The following LYAR variants were observed in gnomAD, a reference collection of about 807,000 sequenced individuals.
The protein encoded by LYAR is cell growth-regulating nucleolar protein.
Under a neutral mutation model 45.2 loss-of-function variants are expected in LYAR, and 37 were observed. That is an observed-to-expected ratio of 0.82 (90% CI 0.63 to 1.08). The LOEUF is 1.08. Ranked by LOEUF, LYAR falls within the 50% of genes least tolerant of loss-of-function variation. LYAR has a pLI of 0.00. For missense variants in LYAR, 493 were observed against 451.0 expected (o/e 1.09, Z -0.84); for synonymous variants, 176 against 155.1 (o/e 1.14, Z -1.00).
intron 8 of LYAR, 55 bp downstream of exon 8, chr4:4,273,528 A>C (rs1719026824): frequency 7.6e-7 from 1 of 1,321,594 alleles, no homozygotes; most frequent in Non-Finnish European, 1.1e-6. Flanking sequence ...AGCTGGGACT[A>C]TCAGCGAGAG....
At chr4:4,281,714 G>T in intron 4 of LYAR, 69 bp downstream of exon 4, 1 of 1,130,666 alleles carries the variant, frequency 8.8e-7, no homozygotes, top group Non-Finnish European at 1.3e-6. Context: ...TTTACTCTTA[G>T]TCTCTTGGGC....
chr4:4,286,630 A>G (rs1302431362), intron 1 of LYAR, 58 bp from the exon 2 acceptor site: 3 of 146,964 alleles, frequency 2.0e-5, no homozygotes, highest in Non-Finnish European at 4.4e-5. Flanking sequence ...ATAAGCATGA[A>G]GGAAATTTAA....
chr4:4,273,686 ATT>A lies in LYAR; in HGVS notation c.833-19_833-18del. The A allele has an allele frequency of 6.5e-7, 1 of 1,537,716 alleles. No homozygotes were observed. Among genetic ancestry groups the A allele is most frequent in the Non-Finnish European group, 9.0e-7 (1 of 1,116,350 alleles). On this transcript the variant is annotated intron_variant, in intron 7 of 9. Coordinates refer to ENST00000343470, the MANE Select transcript of LYAR (RefSeq NM_017816.3). ...CTGTTTCAACTAAGTATTTGGAAAGATTTTTTTTAAAGAAGATTTTGCATTTA... is the reference window on the plus strand; with the variant it reads ...CTGTTTCAACTAAGTATTTGGAAAGATTTTTTAAAGAAGATTTTGCATTTA...
At chr4:4,283,163 C>G (rs141225841) in intron 3 of LYAR, among the ~76,000 whole-genome samples, 77 of 152,276 alleles carry the variant, frequency 5.1e-4, no homozygotes, top group South Asian at 6.2e-4. Flanking sequence ...ATTTCTCCCC[C>G]CCAAGAAGGG....
intron 3 of LYAR, among the ~76,000 whole-genome samples, chr4:4,282,871 C>T (rs187349179): frequency 1.3e-3 from 197 of 152,326 alleles, no homozygotes; most frequent in Non-Finnish European, 2.0e-3. Context: ...ATAGTTTCCT[C>T]TGCTACCAGT....
Position 4,277,218 on chromosome 4 carries a change from T to G in LYAR, c.429+2229A>C, listed in dbSNP as rs143778408. Among the ~76,000 whole-genome samples, 780 of 152,240 alleles carry G rather than the reference T, an allele frequency of 5.1e-3. 6 individuals carry two copies. Among genetic ancestry groups the G allele is most frequent in the African/African-American group, 0.018 (747 of 41,538 alleles). Reference sequence around the variant, plus strand: ...CCTGCCACCACACCCAGCTAATTTTTGTATTTTTAGTAAAGACAGGGTTTC... The same window carrying G: ...CCTGCCACCACACCCAGCTAATTTTGGTATTTTTAGTAAAGACAGGGTTTC... On this transcript the variant is annotated intron_variant, in intron 6 of 9. Transcript: ENST00000343470.
intron 2 of LYAR, among the ~76,000 whole-genome samples, chr4:4,285,702 C>A (rs375271415): frequency 3.3e-5 from 5 of 152,218 alleles, no homozygotes; most frequent in African/African-American, 1.2e-4. Context: ...AACTTAGATA[C>A]GGCTTAGAGC....
Position 4,268,622 on chromosome 4 carries a change from T to C in LYAR, c.920-7A>G. Reference sequence around the variant, plus strand: ...CCCTTCCAGTTGAATTTACCTACAATATAAATAATAATATTTAAGACATTT... The same window carrying C: ...CCCTTCCAGTTGAATTTACCTACAACATAAATAATAATATTTAAGACATTT... On this transcript the variant is annotated splice_polypyrimidine_tract_variant and splice_region_variant and intron_variant, in intron 8 of 9. Transcript: ENST00000343470. The C allele has an allele frequency of 2.6e-6, 4 of 1,528,898 alleles. No individual in the cohort carries two copies. Among genetic ancestry groups the C allele is most frequent in the Non-Finnish European group, 3.6e-6 (4 of 1,107,698 alleles). The allele number at this position is 1,528,898 out of a possible 1,614,324, so 94.7% of individuals were successfully genotyped here.
chr4:4,273,077 G>C (rs1041953417), intron 8 of LYAR, among the ~76,000 whole-genome samples: 3 of 152,218 alleles, frequency 2.0e-5, no homozygotes, highest in African/African-American at 7.2e-5. Flanking sequence ...GCACAGTTCA[G>C]GGGACTTCTA....
chr4:4,273,621 T>G lies in LYAR; in HGVS notation c.881A>C (p.Glu294Ala). Residue 294 changes from glutamate (E) to alanine (A), a missense_variant, in exon 8 of 10, where the codon GAG (glutamate) becomes GCG (alanine). Physicochemically the swap from Glu to Ala is moderately radical, Grantham distance 107. Transcript: ENST00000343470. ...KKKMKLPEHP[E>A]GGEPEDDEAP... is the part of the protein sequence containing the mutation. ...CTCATCGTCTTCTGGTTCTCCGCCCTCAGGATGCTCTGGGAGCTTCATCTT... is the reference window on the plus strand; with the variant it reads ...CTCATCGTCTTCTGGTTCTCCGCCCGCAGGATGCTCTGGGAGCTTCATCTT... The G allele has an allele frequency of 6.2e-7, 1 of 1,613,666 alleles. No homozygotes were observed. Among genetic ancestry groups the G allele is most frequent in the Non-Finnish European group, 8.5e-7 (1 of 1,179,646 alleles).
At chr4:4,281,061 A>C (rs1371412533) in intron 4 of LYAR, among the ~76,000 whole-genome samples, 2 of 152,220 alleles carry the variant, frequency 1.3e-5, no homozygotes, top group Non-Finnish European at 2.9e-5. Flanking sequence ...TTAGTTAAGT[A>C]GAAAATTCTC....
intron 9 of LYAR, 90 bp from the exon 10 acceptor site, chr4:4,268,113 A>T: frequency 2.4e-6 from 3 of 1,248,784 alleles, no homozygotes; most frequent in Non-Finnish European, 3.2e-6. Flanking sequence ...GAACAACAGG[A>T]AAAAATAAAA....
intron 2 of LYAR, among the ~76,000 whole-genome samples, chr4:4,285,565 T>C (rs1719578457): frequency 6.6e-6 from 1 of 152,202 alleles, no homozygotes; most frequent in Non-Finnish European, 1.5e-5. Context: ...GAATAACTTA[T>C]TAGTCACCAA....
Position 4,277,610 on chromosome 4 carries a change from G to T in LYAR, c.429+1837C>A, listed in dbSNP as rs111688975. On this transcript the variant is annotated intron_variant, in intron 6 of 9. Coordinates refer to ENST00000343470, the MANE Select transcript of LYAR (RefSeq NM_017816.3). ...GATGCCCTGACTCTTTCCTAATCGA[G>T]CACCTCCTTCAGTCCTGGCCTCCCA... 8.1e-3 allele frequency among the ~76,000 whole-genome samples: 1,235 copies of T among 152,242 alleles called. 12 individuals are homozygous for T. Among genetic ancestry groups the T allele is most frequent in the African/African-American group, 0.028 (1,156 of 41,530 alleles).
rs551503351 is a variant in LYAR, at chr4:4,267,758, A to AT, written c.*130dup. On this transcript the variant is annotated 3_prime_UTR_variant, in exon 10 of 10. Transcript: ENST00000343470. ...TTCTCATAAAAGTTATACCAAAAAT[A>AT]TATTTTCTTAACTTAAAAATACAGC... 1.1e-3 allele frequency: 653 copies of AT among 596,426 alleles called. 7 individuals carry two copies. The African/African-American group carries it at 0.013, about 12-fold the overall frequency. The allele number at this position is 596,426 out of a possible 1,614,324, so 36.9% of individuals were successfully genotyped here. A position where few individuals can be genotyped will look rare whatever the true frequency, so the allele number is the denominator to read the frequency against.
intron 3 of LYAR, among the ~76,000 whole-genome samples, chr4:4,283,127 A>G (rs1719468948): frequency 6.6e-6 from 1 of 152,128 alleles, no homozygotes; most frequent in African/African-American, 2.4e-5. Flanking sequence ...ACATATCCTC[A>G]AAAAGCAAAT....
intron 2 of LYAR, among the ~76,000 whole-genome samples, chr4:4,284,991 T>C (rs3775340): frequency 6.6e-6 from 1 of 152,072 alleles, no homozygotes; most frequent in East Asian, 1.9e-4. Flanking sequence ...TCACTGCCAG[T>C]GAGGCCACAC....
chr4:4,270,268 T>TAA (rs11377872), intron 8 of LYAR, among the ~76,000 whole-genome samples: 62,583 of 121,738 alleles, frequency 0.51, 17,457 homozygotes, highest in East Asian at 0.69. Flanking sequence ...TGTTGATTTG[T>TAA]AAAAAAAAAA....
rs530839178 is a variant in LYAR at position 4,279,695 on chromosome 4, A to C, written c.292T>G (p.Leu98Val). 2 of 1,614,088 alleles carry C rather than the reference A, an allele frequency of 1.2e-6. No homozygotes were observed. The highest frequency in any genetic ancestry group is 3.3e-5 in the Admixed American group (2 of 59,988). Residue 98 changes from leucine (L) to valine (V), a missense_variant, in exon 5 of 10, where the codon TTA (leucine) becomes GTA (valine). By Grantham distance (32) the Leu-to-Val change is conservative. Transcript: ENST00000343470. ...PNVSPKVREL[L>V]EQISAFDNVP... Reference sequence around the variant, plus strand: ...TTGTCAAAAGCACTAATTTGCTCTAAAAGTTCTCTCACTTTGGGGCTGACA... The same window carrying C: ...TTGTCAAAAGCACTAATTTGCTCTACAAGTTCTCTCACTTTGGGGCTGACA...
Sources: gnomAD v4.1 joint callset for allele counts (sites outside exome capture counted in the v4.1 genomes callset) on GRCh38, gnomAD v4.1.1 for gene constraint, MANE v1.5 for transcripts, NCBI Gene and HGNC (gene_info 2026-07-23, HGNC 2026-07-21) for gene names.